LRRIQ3: variants seen among roughly 807,000 people sequenced by gnomAD.
LRRIQ3 encodes leucine rich repeats and IQ motif containing 3.
LRRIQ3 carries 75 observed loss-of-function variants against 59.3 expected under a neutral mutation model. The ratio of observed to expected loss-of-function variants is 1.26; its 90% CI spans 1.05 to 1.53. The LOEUF is 1.53. Among genes scored for constraint, LRRIQ3 ranks in the 40% most tolerant of loss-of-function variants. The pLI is 0.00. For missense variants in LRRIQ3, 831 were observed against 710.0 expected, an observed-to-expected ratio of 1.17 and a Z score of -1.94; for synonymous variants, 250 against 231.3, an observed-to-expected ratio of 1.08 and a Z score of -0.73.
intron 1 of LRRIQ3, among the ~76,000 whole-genome samples, chr1:74,186,150 GT>G (rs1650364085): frequency 6.6e-6 from 1 of 150,854 alleles, no homozygotes. Flanking sequence ...TCTCTTAACA[GT>G]CTATTTTGAA....
At chr1:74,190,774 G>T (rs1178217839) in intron 1 of LRRIQ3, among the ~76,000 whole-genome samples, 3 of 151,464 alleles carry the variant, frequency 2.0e-5, no homozygotes, top group Non-Finnish European at 4.4e-5. Flanking sequence ...AAAAGCCAAA[G>T]AATTTTTAAA....
intron 1 of LRRIQ3, among the ~76,000 whole-genome samples, chr1:74,184,567 G>A (rs1650232322): frequency 6.6e-6 from 1 of 152,048 alleles, no homozygotes; most frequent in Non-Finnish European, 1.5e-5. Flanking sequence ...ATACACTCTT[G>A]TACTCTTTCA....
At chr1:74,131,771 T>A (rs1464743057) in intron 4 of LRRIQ3, among the ~76,000 whole-genome samples, 1 of 152,158 alleles carries the variant, frequency 6.6e-6, no homozygotes, top group Admixed American at 6.6e-5. Flanking sequence ...GCCAATATCA[T>A]ACTGAATGGG....
At chr1:74,106,554 G>C (rs1646616527) in intron 5 of LRRIQ3, among the ~76,000 whole-genome samples, 1 of 151,834 alleles carries the variant, frequency 6.6e-6, no homozygotes, top group Non-Finnish European at 1.5e-5. Flanking sequence ...ACAAAGTATA[G>C]GTAATAAAGG....
intron 3 of LRRIQ3, among the ~76,000 whole-genome samples, chr1:74,156,879 T>C (rs768256826): frequency 6.6e-6 from 1 of 152,132 alleles, no homozygotes. Context: ...TGTTTATGTT[T>C]TGAATGTAAG....
chr1:74,090,570 C>A (rs1423899083), intron 5 of LRRIQ3, among the ~76,000 whole-genome samples: 1 of 152,022 alleles, frequency 6.6e-6, no homozygotes, highest in Middle Eastern at 3.4e-3. Context: ...TGGACTAATT[C>A]TCAAGTTTCA....
chr1:74,183,592 AAC>A lies in LRRIQ3; in HGVS notation c.91_92del (p.Val31PhefsTer22). 6.2e-7 allele frequency: 1 copy of A among 1,612,144 alleles called. No individual in the cohort carries two copies. Among genetic ancestry groups the A allele is most frequent in the East Asian group, 2.2e-5 (1 of 44,686 alleles). Reference sequence around the variant, plus strand: ...AATGAAGGCCATTGAACTTCACAAAAACAAAATCTTTTTGACCTTCTCTTATG... The same window carrying A: ...AATGAAGGCCATTGAACTTCACAAAAAAAATCTTTTTGACCTTCTCTTATG... ...ENIREGQKDFVFVKFNGLHLK... is the reference protein window; with the variant it reads ...ENIREGQKDFXFVKFNGLHLK... On this transcript the variant is annotated frameshift_variant, in exon 2 of 8. Coordinates refer to ENST00000354431, the MANE Select transcript of LRRIQ3 (RefSeq NM_001105659.2). LOFTEE classifies it high-confidence loss of function.
At chr1:74,141,527 A>T (rs920336024) in intron 4 of LRRIQ3, among the ~76,000 whole-genome samples, 4 of 151,934 alleles carry the variant, frequency 2.6e-5, no homozygotes, top group South Asian at 2.1e-4. Context: ...TAAAAATTTT[A>T]AAATTTCTAA....
At chr1:74,094,650 A>C (rs1646430204) in intron 5 of LRRIQ3, among the ~76,000 whole-genome samples, 1 of 152,178 alleles carries the variant, frequency 6.6e-6, no homozygotes, top group Non-Finnish European at 1.5e-5. Context: ...AAACTAATAT[A>C]CATGCCAATA....
intron 6 of LRRIQ3, among the ~76,000 whole-genome samples, chr1:74,050,068 C>T (rs1307372250): frequency 6.6e-6 from 1 of 151,830 alleles, no homozygotes; most frequent in Non-Finnish European, 1.5e-5. Flanking sequence ...GGATTACAGG[C>T]ACACACCACC....
chr1:74,174,957 A>G (rs575433490), intron 3 of LRRIQ3, among the ~76,000 whole-genome samples: 8 of 152,226 alleles, frequency 5.3e-5, no homozygotes, highest in African/African-American at 1.9e-4. Flanking sequence ...TGTTTCCCTT[A>G]TTCTTCATTG....
chr1:74,171,240 A>G (rs1649304422), intron 3 of LRRIQ3, among the ~76,000 whole-genome samples: 1 of 152,144 alleles, frequency 6.6e-6, no homozygotes, highest in South Asian at 2.1e-4. Flanking sequence ...AAAAAAACTT[A>G]AAAGTTTTTC....
chr1:74,176,878 C>T (rs191640175), intron 3 of LRRIQ3, among the ~76,000 whole-genome samples: 1 of 152,216 alleles, frequency 6.6e-6, no homozygotes, highest in Non-Finnish European at 1.5e-5. Context: ...TACTTGGCCT[C>T]CTTTGACATC....
intron 4 of LRRIQ3, among the ~76,000 whole-genome samples, chr1:74,112,732 G>A (rs1434979777): frequency 2.0e-5 from 3 of 152,090 alleles, no homozygotes; most frequent in Admixed American, 6.6e-5. Context: ...GCTGGTGCAC[G>A]CTCTGAGGAG....
intron 4 of LRRIQ3, among the ~76,000 whole-genome samples, chr1:74,122,765 A>T (rs1051931531): frequency 6.6e-6 from 1 of 152,170 alleles, no homozygotes. Context: ...GGACATAGGC[A>T]TGGGCAAGGA....
chr1:74,061,015 G>T (rs1435571558), intron 6 of LRRIQ3, among the ~76,000 whole-genome samples: 2 of 152,102 alleles, frequency 1.3e-5, no homozygotes, highest in Non-Finnish European at 2.9e-5. Context: ...AAGGACACTT[G>T]AGCTGGCAGG....
At chr1:74,168,571 A>T (rs1244573271) in intron 3 of LRRIQ3, among the ~76,000 whole-genome samples, 1 of 152,050 alleles carries the variant, frequency 6.6e-6, no homozygotes, top group Non-Finnish European at 1.5e-5. Context: ...TATTTAGACC[A>T]TTTACTGTAA....
At chr1:74,121,367 G>C (rs1646853436) in intron 4 of LRRIQ3, among the ~76,000 whole-genome samples, 1 of 152,094 alleles carries the variant, frequency 6.6e-6, no homozygotes. Flanking sequence ...AGTAACTTGT[G>C]GCTGGAAGGG....
intron 3 of LRRIQ3, among the ~76,000 whole-genome samples, chr1:74,169,929 T>A (rs1010440033): frequency 4.6e-5 from 7 of 152,146 alleles, no homozygotes; most frequent in African/African-American, 1.7e-4. Flanking sequence ...GTGTTATCTT[T>A]TCATATATCT....
Sources: allele counts gnomAD v4.1 joint callset (sites outside exome capture counted in the v4.1 genomes callset), GRCh38; gene constraint gnomAD v4.1.1; transcripts MANE v1.5; gene names NCBI Gene and HGNC (gene_info 2026-07-23, HGNC 2026-07-21).